The following TMPRSS11B variants were observed in gnomAD, a reference collection of about 807,000 sequenced individuals.
TMPRSS11B encodes transmembrane protease serine 11B.
TMPRSS11B carries 53 observed loss-of-function variants against 44.7 expected under a neutral mutation model. The ratio of observed to expected loss-of-function variants is 1.19; its 90% CI spans 0.95 to 1.49. The LOEUF is 1.49. TMPRSS11B is among the 40% of genes most tolerant of loss of function. The pLI, the probability that TMPRSS11B is intolerant of heterozygous loss-of-function variation, is 0.00. For missense variants in TMPRSS11B, 526 were observed against 494.8 expected (o/e 1.06, Z -0.60); for synonymous variants, 140 against 159.2 (o/e 0.88, Z 0.91).
chr4:68,232,375 T>TA lies in TMPRSS11B; in HGVS notation c.508+2dup, dbSNP rs1719540180. 6.2e-7 allele frequency: 1 copy of TA among 1,612,086 alleles called. No homozygotes were observed. The highest frequency in any genetic ancestry group is 1.3e-5 in the African/African-American group (1 of 74,812). On this transcript the variant is annotated splice_region_variant and intron_variant, in intron 6 of 9. Transcript: ENST00000332644. ...ATTTATAATTAAAAGGTCCTTAACTTACAGTTGTTGGTAAGCATTTCAGAA... is the reference window on the plus strand; with the variant it reads ...ATTTATAATTAAAAGGTCCTTAACTTAACAGTTGTTGGTAAGCATTTCAGAA...
At chr4:68,243,948 T>A (rs1223141528) in intron 1 of TMPRSS11B, among the ~76,000 whole-genome samples, 2 of 152,188 alleles carry the variant, frequency 1.3e-5, no homozygotes, top group Admixed American at 1.3e-4. Context: ...GACTTTTTCC[T>A]CCTCACATGG....
chr4:68,242,189 A>C (rs1261729503), intron 1 of TMPRSS11B, among the ~76,000 whole-genome samples: 1 of 95,514 alleles, frequency 1.0e-5, no homozygotes, highest in African/African-American at 4.0e-5. Flanking sequence ...AGACACAATT[A>C]AATACATAAT....
In TMPRSS11B at chr4:68,229,287, C is replaced by T. The variant is rs758827371; in HGVS notation, c.916G>A (p.Val306Ile). Residue 306 changes from valine (V) to isoleucine (I), a missense_variant, in exon 8 of 10, where the codon GTT becomes ATT. Physicochemically the swap from Val to Ile is conservative, Grantham distance 29. Coordinates refer to ENST00000332644, the MANE Select transcript of TMPRSS11B (RefSeq NM_182502.3). ...ATATAAAGTGTTCCCCAACCTGTAACTACAACATTGTCATTTTCTGAGAGC... is the reference window on the plus strand; with the variant it reads ...ATATAAAGTGTTCCCCAACCTGTAATTACAACATTGTCATTTTCTGAGAGC... ...MKLSENDNVV[V>I]TGWGTLYMNG... The T allele has an allele frequency of 1.2e-6, 2 of 1,612,072 alleles. No homozygotes were observed. Among genetic ancestry groups the T allele is most frequent in the Non-Finnish European group, 8.5e-7 (1 of 1,178,862 alleles).
rs1719453341 is a variant in TMPRSS11B at position 68,229,531 on chromosome 4, G to A, written c.687-15C>T. The A allele has an allele frequency of 6.2e-7, 1 of 1,605,142 alleles. No individual in the cohort carries two copies. The highest frequency in any genetic ancestry group is 8.5e-7 in the Non-Finnish European group (1 of 1,175,002). ...AATTATTTTTCCTAGAGGACACAATGTAATTAGAATACACTCAGTTGCTGG... is the reference window on the plus strand; with the variant it reads ...AATTATTTTTCCTAGAGGACACAATATAATTAGAATACACTCAGTTGCTGG... On this transcript the variant is annotated splice_polypyrimidine_tract_variant and intron_variant, in intron 7 of 9. Transcript: ENST00000332644.
Position 68,229,445 on chromosome 4 carries a change from A to T in TMPRSS11B, c.758T>A (p.Val253Asp), listed in dbSNP as rs776569362. Reference protein sequence around the residue: ...VVNKPYMTRKVQNIIFHENYS... With the variant: ...VVNKPYMTRKDQNIIFHENYS... ...ATTTTCATGAAAAATAATGTTTTGG[A>T]CTTTCCGTGTCATATATGGTTTATT... Residue 253 changes from valine to aspartate, a missense_variant, in exon 8 of 10, where the codon GTC (valine) becomes GAC (aspartate). Coordinates refer to ENST00000332644, the MANE Select transcript of TMPRSS11B (RefSeq NM_182502.3). The T allele has an allele frequency of 2.5e-6, 4 of 1,613,896 alleles. No individual in the cohort carries two copies. The South Asian group carries it at 4.4e-5, about 18-fold the overall frequency.
rs1030631163 is a variant in TMPRSS11B, at chr4:68,228,173, C to T, written c.1090-101G>A. 7 of 1,100,670 alleles carry T rather than the reference C, an allele frequency of 6.4e-6. No individual in the cohort carries two copies. The East Asian group carries it at 1.1e-4, about 17-fold the overall frequency. 68.2% of individuals were successfully genotyped at this position (1,100,670 alleles called of 1,614,324 possible). ...TACCTCCTGGGCACTGAAACCAATT[C>T]ACTCTCTTTGGGCTTAGAACTCTGA... is the stretch of plus-strand genomic sequence containing the variant. On this transcript the variant is annotated intron_variant, in intron 9 of 9. Transcript: ENST00000332644.
Position 68,229,386 on chromosome 4 carries a change from G to A in TMPRSS11B, c.817C>T (p.Leu273Phe), listed in dbSNP as rs750025707. Residue 273 changes from leucine (L) to phenylalanine (F), a missense_variant, in exon 8 of 10, where the codon CTT becomes TTT. Coordinates refer to ENST00000332644, the MANE Select transcript of TMPRSS11B (RefSeq NM_182502.3). ...SSPGLHDDIA[L>F]VQLAEEVSFT... is the part of the protein sequence containing the mutation. ...GAAACTTCTTCAGCAAGCTGCACAA[G>A]GGCAATATCATCATGAAGCCCAGGA... 6.2e-7 allele frequency: 1 copy of A among 1,614,048 alleles called. No homozygotes were observed. The highest frequency in any genetic ancestry group is 1.1e-5 in the South Asian group (1 of 91,074).
At position 68,232,277 on chromosome 4, in the gene TMPRSS11B, T is replaced by A. The variant is rs1314215616; in HGVS notation, c.508+101A>T. The stretch of plus-strand genomic sequence containing the variant: ...ATCTAGTAATTCGGAAAGCGTGTTA[T>A]GGGATTTCCACATGACATATTTCAA... On this transcript the variant is annotated intron_variant, in intron 6 of 9. Coordinates refer to ENST00000332644, the MANE Select transcript of TMPRSS11B (RefSeq NM_182502.3). 7 of 1,156,716 alleles carry A rather than the reference T, an allele frequency of 6.1e-6. No individual in the cohort carries two copies. The East Asian group carries it at 1.7e-4, about 28-fold the overall frequency. 71.7% of individuals were successfully genotyped at this position (1,156,716 alleles called of 1,614,324 possible). A position where few individuals can be genotyped will look rare whatever the true frequency, so the allele number is the denominator to read the frequency against.
At position 68,229,364 on chromosome 4, in the gene TMPRSS11B, ACTT is replaced by A. The variant is rs764523764; in HGVS notation, c.836_838del (p.Glu279del). Reference sequence around the variant, plus strand: ...CTTACGAATGTACTCTGTAAAAGAAACTTCTTCAGCAAGCTGCACAAGGGCAAT... The same window carrying A: ...CTTACGAATGTACTCTGTAAAAGAAACTTCAGCAAGCTGCACAAGGGCAAT... On this transcript the variant is annotated inframe_deletion, in exon 8 of 10. Coordinates refer to ENST00000332644, the MANE Select transcript of TMPRSS11B (RefSeq NM_182502.3). The A allele has an allele frequency of 1.2e-5, 20 of 1,613,952 alleles. No homozygotes were observed. In the Admixed American group the frequency reaches 2.8e-4, roughly 23 times the overall value.
At chr4:68,228,958 A>C in intron 8 of TMPRSS11B, 74 bp from the exon 9 acceptor site, 1 of 1,488,892 alleles carries the variant, frequency 6.7e-7, no homozygotes, top group Non-Finnish European at 9.1e-7. Flanking sequence ...CCTATAGCAT[A>C]AAGCAGACTC....
At position 68,241,763 on chromosome 4, in the gene TMPRSS11B, G is replaced by T. The variant is rs765434060; in HGVS notation, c.50C>A (p.Thr17Lys). The T allele has an allele frequency of 1.2e-6, 2 of 1,613,092 alleles. No homozygotes were observed. The highest frequency in any genetic ancestry group is 2.2e-5 in the South Asian group (2 of 91,052). The change falls in exon 2 of 10, where the codon ACG becomes AAG. Residue 17 changes from threonine to lysine, a missense_variant. By Grantham distance (78) the Thr-to-Lys change is moderately conservative. Coordinates refer to ENST00000332644, the MANE Select transcript of TMPRSS11B (RefSeq NM_182502.3). ...SSQRSWPLWT[T>K]IFIFLGVAAI... ...CGCCACTCCAAGAAAAATAAAGATCGTAGTCCATAGTGGCCAAGATCTTTG... is the reference window on the plus strand; with the variant it reads ...CGCCACTCCAAGAAAAATAAAGATCTTAGTCCATAGTGGCCAAGATCTTTG...
chr4:68,228,608 A>AT (rs1719418808), intron 9 of TMPRSS11B, 134 bp downstream of exon 9: 2 of 881,790 alleles, frequency 2.3e-6, no homozygotes, highest in East Asian at 5.5e-5. Context: ...CATAAATGGA[A>AT]TTAATACATT....
chr4:68,244,700 A>G (rs921364062), intron 1 of TMPRSS11B, among the ~76,000 whole-genome samples: 2 of 152,234 alleles, frequency 1.3e-5, no homozygotes, highest in Admixed American at 6.5e-5. Context: ...TTACAATTTT[A>G]CCTTTATGGT....
In TMPRSS11B at chr4:68,243,409, T is replaced by G. The variant is rs755493009; in HGVS notation, c.9-1605A>C. Reference sequence around the variant, plus strand: ...CCACCTAAATTTGTTTCCTCTTCACTCTGTTCCACATTCTTAATCCTACCT... The same window carrying G: ...CCACCTAAATTTGTTTCCTCTTCACGCTGTTCCACATTCTTAATCCTACCT... On this transcript the variant is annotated intron_variant, in intron 1 of 9. Coordinates refer to ENST00000332644, the MANE Select transcript of TMPRSS11B (RefSeq NM_182502.3). 7.7e-4 allele frequency among the ~76,000 whole-genome samples: 117 copies of G among 152,282 alleles called. 1 individual carries two copies. Among genetic ancestry groups the G allele is most frequent in the Non-Finnish European group, 8.4e-4 (57 of 68,004 alleles).
At chr4:68,230,390 G>A (rs967063491) in intron 7 of TMPRSS11B, among the ~76,000 whole-genome samples, 8 of 151,976 alleles carry the variant, frequency 5.3e-5, no homozygotes, top group African/African-American at 1.9e-4. Flanking sequence ...ATACAGCCTC[G>A]TACTTTTAAT....
chr4:68,227,941 G>C lies in TMPRSS11B; in HGVS notation c.1221C>G (p.Arg407=), dbSNP rs1016514394. 1 of 1,610,840 alleles carries C rather than the reference G, an allele frequency of 6.2e-7. No individual in the cohort carries two copies. The highest frequency in any genetic ancestry group is 8.5e-7 in the Non-Finnish European group (1 of 1,178,794). The change falls in exon 10 of 10, where the codon CGC becomes CGG. Residue 407 remains arginine, a synonymous_variant. Coordinates refer to ENST00000332644, the MANE Select transcript of TMPRSS11B (RefSeq NM_182502.3). ...GTCCAGTCTTGGATGTAATCCAATT[G>C]CGATAAGAAGTCACTCGAGTATAGA... ...PGVYTRVTSY[R]NWITSKTGL is the part of the protein sequence containing the mutation.
chr4:68,229,201 T>A, intron 8 of TMPRSS11B, 56 bp downstream of exon 8: 2 of 1,324,954 alleles, frequency 1.5e-6, no homozygotes. Flanking sequence ...ATTGATTGAT[T>A]GATTGATTAA....
intron 9 of TMPRSS11B, 54 bp from the exon 10 acceptor site, chr4:68,228,126 A>G (rs1719408697): frequency 6.7e-7 from 1 of 1,492,210 alleles, no homozygotes; most frequent in Non-Finnish European, 8.9e-7. Flanking sequence ...ATTTCCTTTT[A>G]CCTCTCCTGT....
intron 2 of TMPRSS11B, among the ~76,000 whole-genome samples, chr4:68,241,401 A>T (rs1027161762): frequency 6.6e-6 from 1 of 152,122 alleles, no homozygotes; most frequent in Non-Finnish European, 1.5e-5. Flanking sequence ...GGATGTAACA[A>T]TTCAACTACA....
Sources: gnomAD v4.1 joint callset for allele counts (sites outside exome capture counted in the v4.1 genomes callset) on GRCh38, gnomAD v4.1.1 for gene constraint, MANE v1.5 for transcripts, NCBI Gene and HGNC (gene_info 2026-07-23, HGNC 2026-07-21) for gene names.